Variants in CRACDL observed in about 807,000 individuals in gnomAD.
CRACDL encodes CRACD-like protein.
A neutral mutation model predicts 70.6 loss-of-function variants in CRACDL; 26 were observed. The ratio of observed to expected loss-of-function variants is 0.37; its 90% confidence interval spans 0.27 to 0.51. The LOEUF (loss-of-function observed/expected upper bound fraction) is 0.51, where lower values mean the gene tolerates loss of function less well. Among genes scored for constraint, CRACDL ranks in the 20% least tolerant of loss-of-function variants. The probability of loss-of-function intolerance (pLI) is 0.94; values close to 1 mark genes in which losing one functional copy is unlikely to be tolerated. For synonymous variants in CRACDL, 618 were observed against 615.2 expected (o/e 1.00, Z -0.07); for missense variants, 1,283 against 1,376.9 (o/e 0.93, Z 1.08).
At chr2:98,907,157 T>G (rs1708435577) in intron 1 of CRACDL, among the ~76,000 whole-genome samples, 1 of 152,114 alleles carries the variant, frequency 6.6e-6, no homozygotes. Flanking sequence ...CTGGGCATGG[T>G]GGTGGGCACC....
At chr2:98,887,707 T>C (rs1288542787) in intron 1 of CRACDL, among the ~76,000 whole-genome samples, 1 of 152,076 alleles carries the variant, frequency 6.6e-6, no homozygotes, top group Non-Finnish European at 1.5e-5. Context: ...CCTAGACATA[T>C]CATAATCAAA....
intron 7 of CRACDL, among the ~76,000 whole-genome samples, chr2:98,801,220 C>A (rs565093666): frequency 6.6e-6 from 1 of 152,362 alleles, no homozygotes; most frequent in East Asian, 1.9e-4. Context: ...GGCCCTGTTA[C>A]AGGGACTGTC....
At chr2:98,884,942 C>A (rs950424733) in intron 1 of CRACDL, among the ~76,000 whole-genome samples, 4 of 152,214 alleles carry the variant, frequency 2.6e-5, no homozygotes, top group Non-Finnish European at 5.9e-5. Flanking sequence ...GGAGGATGGA[C>A]TTGGGCCTTC....
chr2:98,796,139 T>C lies in CRACDL; in HGVS notation c.2730A>G (p.Ser910=), dbSNP rs1474498021. The stretch of plus-strand genomic sequence containing the variant: ...TCATACCCAAGTTCTGATGGGACAA[T>C]GAGATTCCTCTTTGCAGCCCCTCCT... ...NFKEGLQRGI[S]LSHQNLAQSA... The change falls in exon 9 of 10, where the codon TCA becomes TCG. Residue 910 remains serine (S), a synonymous_variant. Transcript: ENST00000397899. 1.2e-6 allele frequency: 2 copies of C among 1,613,470 alleles called. No individual in the cohort carries two copies. Among genetic ancestry groups the C allele is most frequent in the Non-Finnish European group, 8.5e-7 (1 of 1,179,346 alleles).
chr2:98,818,608 T>A (rs1213255414), intron 7 of CRACDL, among the ~76,000 whole-genome samples: 1 of 152,200 alleles, frequency 6.6e-6, no homozygotes, highest in East Asian at 1.9e-4. Flanking sequence ...CAGAGTGATA[T>A]TGTTATTAAA....
At chr2:98,803,871 G>T in intron 7 of CRACDL, among the ~76,000 whole-genome samples, 1 of 152,186 alleles carries the variant, frequency 6.6e-6, no homozygotes, top group East Asian at 1.9e-4. Flanking sequence ...GGTTGACCTG[G>T]TGGAAATGGG....
intron 1 of CRACDL, among the ~76,000 whole-genome samples, chr2:98,848,372 G>A (rs369285119): frequency 1.1e-4 from 17 of 152,076 alleles, no homozygotes; most frequent in Non-Finnish European, 5.9e-5. Context: ...GGTAGCTGCC[G>A]GGGATTCAAT....
chr2:98,907,745 T>C (rs1013933785), intron 1 of CRACDL, among the ~76,000 whole-genome samples: 3 of 152,214 alleles, frequency 2.0e-5, no homozygotes, highest in Non-Finnish European at 4.4e-5. Flanking sequence ...CTTCATGCAT[T>C]CTGTCCAATA....
chr2:98,901,528 C>T (rs1351170826), intron 1 of CRACDL, among the ~76,000 whole-genome samples: 2 of 152,164 alleles, frequency 1.3e-5, no homozygotes, highest in African/African-American at 2.4e-5. Flanking sequence ...AACTGGGGGC[C>T]GCAGGTGGAC....
At chr2:98,881,066 TG>T (rs1426519768) in intron 1 of CRACDL, among the ~76,000 whole-genome samples, 5 of 152,168 alleles carry the variant, frequency 3.3e-5, no homozygotes, top group Admixed American at 6.5e-5. Context: ...ACACGTCAGA[TG>T]GGCCGCACTC....
rs139787176 is a variant in CRACDL at position 98,882,463 on chromosome 2, C to T, written c.-10-35653G>A. Among the ~76,000 whole-genome samples the T allele has an allele frequency of 9.3e-3, 1,422 of 152,304 alleles. 12 individuals carry two copies. Among genetic ancestry groups the T allele is most frequent in the Middle Eastern group, 0.027 (8 of 294 alleles). ...AGCTCATGGATTTTCAGAATTGTTG[C>T]AAGAGAATATTTCTTTTCTGCTGGG... On this transcript the variant is annotated intron_variant, in intron 1 of 9. Coordinates refer to ENST00000397899, the MANE Select transcript of CRACDL (RefSeq NM_207362.3).
At chr2:98,928,981 T>C (rs1709002503) in intron 1 of CRACDL, among the ~76,000 whole-genome samples, 1 of 151,962 alleles carries the variant, frequency 6.6e-6, no homozygotes. Flanking sequence ...GCCATTTGAC[T>C]CAGACCTTCA....
At position 98,869,294 on chromosome 2, in the gene CRACDL, G is replaced by T. The variant is rs566259167; in HGVS notation, c.-10-22484C>A. The T allele has an allele frequency of 3.0e-4, 364 of 1,214,764 alleles. 1 individual carries two copies. The African/African-American group carries it at 5.1e-3, about 17-fold the overall frequency. The allele number at this position is 1,214,764 out of a possible 1,614,324, so 75.2% of individuals were successfully genotyped here. ...GTACCCGTGCGCCAGGAGGAAGTGG[G>T]GCTTCTGCCAAGCCCAGCCCTCCTG... On this transcript the variant is annotated intron_variant, in intron 1 of 9. Coordinates refer to ENST00000397899, the MANE Select transcript of CRACDL (RefSeq NM_207362.3).
intron 1 of CRACDL, among the ~76,000 whole-genome samples, chr2:98,877,600 T>C (rs142325457): frequency 0.11 from 16,190 of 151,774 alleles, 1,235 homozygotes; most frequent in Non-Finnish European, 0.16. Flanking sequence ...TACAAAAAAA[T>C]TAGCCGGGTA....
At chr2:98,857,180 C>T (rs1271321062) in intron 1 of CRACDL, among the ~76,000 whole-genome samples, 5 of 152,190 alleles carry the variant, frequency 3.3e-5, no homozygotes, top group Admixed American at 1.3e-4. Flanking sequence ...CTTATTACCC[C>T]GTTTACAACA....
At chr2:98,802,563 G>A (rs539202800) in intron 7 of CRACDL, among the ~76,000 whole-genome samples, 10 of 151,930 alleles carry the variant, frequency 6.6e-5, no homozygotes, top group East Asian at 1.9e-4. Flanking sequence ...CTACGCCTAC[G>A]TGGGACAGAT....
In CRACDL at chr2:98,822,830, G is replaced by C. The variant is rs766463954; in HGVS notation, c.1443C>G (p.Thr481=). 7.0e-7 allele frequency: 1 copy of C among 1,418,488 alleles called. No individual in the cohort carries two copies. The highest frequency in any genetic ancestry group is 9.2e-7 in the Non-Finnish European group (1 of 1,092,520). The allele number at this position is 1,418,488 out of a possible 1,614,324, so 87.9% of individuals were successfully genotyped here. Residue 481 remains threonine, a synonymous_variant, in exon 7 of 10, where the codon ACC becomes ACG. Transcript: ENST00000397899. The surrounding 1 kb of genome is among the most constrained non-coding windows in gnomAD (Gnocchi z 4.9). ...GAGTEPERIG[T]EPSTAPAPSP... is the part of the protein sequence containing the mutation. Reference sequence around the variant, plus strand: ...TCGGGGCGGGCGCCGTGGAGGGCTCGGTCCCAATTCTCTCGGGCTCGGTCC... The same window carrying C: ...TCGGGGCGGGCGCCGTGGAGGGCTCCGTCCCAATTCTCTCGGGCTCGGTCC...
intron 1 of CRACDL, among the ~76,000 whole-genome samples, chr2:98,899,507 T>G (rs796915670): frequency 2.0e-4 from 30 of 152,218 alleles, no homozygotes; most frequent in African/African-American, 6.5e-4. Context: ...GGGACTGCAG[T>G]TGAGCCTGAA....
At chr2:98,811,516 C>CAAAA (rs1199306759) in intron 7 of CRACDL, among the ~76,000 whole-genome samples, 3 of 49,622 alleles carry the variant, frequency 6.0e-5, no homozygotes, top group African/African-American at 8.3e-5. Context: ...GACTCTGTCT[C>CAAAA]AAAAAAAAAA....
Sources: allele counts gnomAD v4.1 joint callset (sites outside exome capture counted in the v4.1 genomes callset), GRCh38; gene constraint gnomAD v4.1.1; non-coding constraint Gnocchi (gnomAD v3.1); transcripts MANE v1.5; gene names NCBI Gene and HGNC (gene_info 2026-07-23, HGNC 2026-07-21).